Variants in SAMD12 observed in about 807,000 individuals in gnomAD.
SAMD12 encodes the protein sterile alpha motif domain containing 12, also known as sterile alpha motif domain-containing protein 12.
SAMD12 carries 9 observed loss-of-function variants against 15.0 expected under a neutral mutation model. That is an observed-to-expected ratio of 0.60 (90% CI 0.36 to 1.05). The LOEUF (loss-of-function observed/expected upper bound fraction) is 1.05. Among genes scored for constraint, SAMD12 ranks in the 50% least tolerant of loss-of-function variants. SAMD12 has a pLI of 0.01. For missense variants in SAMD12, 230 were observed against 234.2 expected, an observed-to-expected ratio of 0.98 and a Z score of 0.12; for synonymous variants, 86 against 90.1, an observed-to-expected ratio of 0.96 and a Z score of 0.25.
intron 3 of SAMD12, among the ~76,000 whole-genome samples, chr8:118,409,799 A>C (rs1821320217): frequency 6.6e-6 from 1 of 151,932 alleles, no homozygotes; most frequent in African/African-American, 2.4e-5. Flanking sequence ...AAAACCAGTA[A>C]GATAATGAAG....
At chr8:118,184,369 C>A in the SAMD12 span, among the ~76,000 whole-genome samples, 1 of 152,174 alleles carries the variant, frequency 6.6e-6, no homozygotes, top group Non-Finnish European at 1.5e-5. Context: ...TTCCCTCTTC[C>A]TTCCTGCCTC....
At chr8:118,268,999 G>C (rs1416002385) in intron 4 of SAMD12, among the ~76,000 whole-genome samples, 2 of 152,012 alleles carry the variant, frequency 1.3e-5, no homozygotes, top group South Asian at 2.1e-4. Context: ...CCTGAATATA[G>C]AGAGTAAAAG....
intron 2 of SAMD12, among the ~76,000 whole-genome samples, chr8:118,514,777 G>A (rs1034065112): frequency 3.9e-5 from 6 of 152,312 alleles, no homozygotes; most frequent in East Asian, 1.9e-4. Context: ...GGAAAACAGC[G>A]TTAGTAAAAT....
At chr8:118,615,476 G>A (rs1367465620) in intron 1 of SAMD12, among the ~76,000 whole-genome samples, 1 of 152,190 alleles carries the variant, frequency 6.6e-6, no homozygotes, top group African/African-American at 2.4e-5. Flanking sequence ...ACATCTCGTA[G>A]AGTTCCTTGT....
chr8:118,162,042 C>T, the SAMD12 span, among the ~76,000 whole-genome samples: 1 of 151,330 alleles, frequency 6.6e-6, no homozygotes, highest in East Asian at 1.9e-4. Flanking sequence ...TGCCTGTAGT[C>T]CCAGCTACTC....
chr8:118,549,901 T>C (rs1586809644), intron 2 of SAMD12, among the ~76,000 whole-genome samples: 2 of 152,138 alleles, frequency 1.3e-5, no homozygotes, highest in South Asian at 2.1e-4. Flanking sequence ...CAGGAGCCGA[T>C]GCGATCAACT....
chr8:118,424,874 A>G (rs559883413), intron 3 of SAMD12, among the ~76,000 whole-genome samples: 17 of 152,250 alleles, frequency 1.1e-4, no homozygotes, highest in African/African-American at 3.9e-4. Flanking sequence ...TGATCTCCCA[A>G]TAACATGCAG....
intron 2 of SAMD12, among the ~76,000 whole-genome samples, chr8:118,552,549 C>T (rs1030731839): frequency 6.6e-6 from 1 of 152,182 alleles, no homozygotes; most frequent in Non-Finnish European, 1.5e-5. Flanking sequence ...TAAGAGCTAT[C>T]TATGACAAAC....
chr8:118,293,028 G>A (rs1814499660), intron 4 of SAMD12, among the ~76,000 whole-genome samples: 2 of 151,912 alleles, frequency 1.3e-5, no homozygotes. Flanking sequence ...ATGTGCACAT[G>A]TACCCTAAAA....
At chr8:118,467,563 C>A (rs1337905939) in intron 2 of SAMD12, among the ~76,000 whole-genome samples, 1 of 152,170 alleles carries the variant, frequency 6.6e-6, no homozygotes, top group Non-Finnish European at 1.5e-5. Context: ...ATCTTTGCCA[C>A]AACGGAAACT....
chr8:118,420,970 A>G (rs1230501169), intron 3 of SAMD12, among the ~76,000 whole-genome samples: 2 of 152,198 alleles, frequency 1.3e-5, no homozygotes, highest in African/African-American at 4.8e-5. Context: ...CATGGAGTTT[A>G]GCAGTTGTGA....
chr8:118,362,986 C>A (rs893903250), intron 4 of SAMD12, among the ~76,000 whole-genome samples: 2 of 152,150 alleles, frequency 1.3e-5, no homozygotes, highest in Admixed American at 6.6e-5. Flanking sequence ...ATATTCCTAG[C>A]AGCCCAAAAA....
At chr8:118,331,993 G>C (rs1816827132) in intron 4 of SAMD12, among the ~76,000 whole-genome samples, 2 of 152,250 alleles carry the variant, frequency 1.3e-5, no homozygotes, top group South Asian at 4.1e-4. Flanking sequence ...AACTATCAGA[G>C]GAACTTAAGA....
At chr8:118,424,342 A>G (rs1186391799) in intron 3 of SAMD12, among the ~76,000 whole-genome samples, 1 of 152,224 alleles carries the variant, frequency 6.6e-6, no homozygotes, top group African/African-American at 2.4e-5. Flanking sequence ...CGGATCAATA[A>G]TAATAGCCAA....
intron 4 of SAMD12, among the ~76,000 whole-genome samples, chr8:118,332,715 G>C (rs1299891755): frequency 6.6e-6 from 1 of 152,140 alleles, no homozygotes; most frequent in South Asian, 2.1e-4. Context: ...TCCAATACTG[G>C]AGTAACATAT....
chr8:118,613,288 T>C (rs998547534), intron 1 of SAMD12, among the ~76,000 whole-genome samples: 1 of 152,132 alleles, frequency 6.6e-6, no homozygotes, highest in African/African-American at 2.4e-5. Flanking sequence ...ACACTTGAAA[T>C]GGGGGCTAGA....
chr8:118,317,049 T>A (rs1815954764), intron 4 of SAMD12, among the ~76,000 whole-genome samples: 1 of 151,886 alleles, frequency 6.6e-6, no homozygotes, highest in Admixed American at 6.6e-5. Context: ...GAAGAGGAAA[T>A]TTGGACACAG....
the SAMD12 span, among the ~76,000 whole-genome samples, chr8:118,132,353 T>A: frequency 1.3e-5 from 2 of 152,190 alleles, no homozygotes; most frequent in African/African-American, 4.8e-5. Flanking sequence ...TACAGCAGTG[T>A]CCCCAATTCT....
chr8:118,580,270 C>T (rs1270113775), intron 2 of SAMD12, among the ~76,000 whole-genome samples: 3 of 152,276 alleles, frequency 2.0e-5, no homozygotes, highest in Middle Eastern at 6.8e-3. Context: ...CTCTCATACT[C>T]ATGCAGTACT....
Sources: allele counts gnomAD v4.1 joint callset (sites outside exome capture counted in the v4.1 genomes callset), GRCh38; gene constraint gnomAD v4.1.1; transcripts MANE v1.5; gene names NCBI Gene and HGNC (gene_info 2026-07-23, HGNC 2026-07-21).